Variants in SAE1 observed in about 807,000 individuals in gnomAD.
The protein encoded by SAE1 is SUMO-activating enzyme subunit 1.
A neutral mutation model predicts 40.6 loss-of-function variants in SAE1; 11 were observed. That is an observed-to-expected ratio of 0.27 (90% CI 0.17 to 0.45). The LOEUF is 0.45. Among genes scored for constraint, SAE1 ranks in the 20% least tolerant of loss-of-function variants. The pLI, the probability that SAE1 is intolerant of heterozygous loss-of-function variation, is 1.00. For synonymous variants in SAE1, 155 were observed against 154.3 expected, an observed-to-expected ratio of 1.00 and a Z score of -0.03; for missense variants, 373 against 427.3, an observed-to-expected ratio of 0.87 and a Z score of 1.12.
At chr19:47,170,062 G>A (rs559098222) in intron 6 of SAE1, 139 bp downstream of exon 6, 358 of 659,752 alleles carry the variant, frequency 5.4e-4, no homozygotes, top group Non-Finnish European at 8.6e-4. Flanking sequence ...GATCACTTGA[G>A]AAAGGGGTGG....
At chr19:47,173,454 T>C (rs545855163) in intron 6 of SAE1, among the ~76,000 whole-genome samples, 5 of 152,102 alleles carry the variant, frequency 3.3e-5, no homozygotes, top group South Asian at 2.1e-4. Context: ...CTCCTAGATA[T>C]CAGTTTTGTC....
At chr19:47,155,315 G>C in intron 5 of SAE1, 102 bp downstream of exon 5, 2 of 764,974 alleles carry the variant, frequency 2.6e-6, no homozygotes, top group Admixed American at 2.4e-5. Flanking sequence ...TGAAGGGGTG[G>C]GGCGGGTGCT....
rs374200029 is a variant in SAE1 at position 47,167,012 on chromosome 19, T to C, written c.628-2806T>C. 2.6e-5 allele frequency among the ~76,000 whole-genome samples: 4 copies of C among 151,966 alleles called. No homozygotes were observed. In the South Asian group the frequency reaches 8.3e-4, roughly 32 times the overall value. On this transcript the variant is annotated intron_variant, in intron 5 of 8. Coordinates refer to ENST00000270225, the MANE Select transcript of SAE1 (RefSeq NM_005500.3). The stretch of plus-strand genomic sequence containing the variant: ...TGTTGCCCAGGCTGGAGTGTAGTGG[T>C]GTGACCTTGGCTCGCTGCAACCTCC...
rs559489859 is a variant in SAE1, at chr19:47,137,351, G to A, written c.99-6143G>A. 1.8e-4 allele frequency among the ~76,000 whole-genome samples: 28 copies of A among 152,158 alleles called. No individual in the cohort carries two copies. The East Asian group carries it at 1.9e-3, about 10-fold the overall frequency. On this transcript the variant is annotated intron_variant, in intron 1 of 8. Transcript: ENST00000270225. ...TTTAGTGAGCCAAGGTCACACTATC[G>A]CACTCCAGCCTGGGTGACAAGAGCG...
intron 2 of SAE1, among the ~76,000 whole-genome samples, chr19:47,147,684 C>T (rs2058262811): frequency 1.3e-5 from 2 of 151,264 alleles, no homozygotes; most frequent in Non-Finnish European, 2.9e-5. Flanking sequence ...AACTTCTGAC[C>T]TCAAGTGATC....
At chr19:47,200,208 C>T (rs2058644171) in intron 7 of SAE1, among the ~76,000 whole-genome samples, 1 of 151,062 alleles carries the variant, frequency 6.6e-6, no homozygotes, top group African/African-American at 2.4e-5. Context: ...GTTGGGATTA[C>T]AAGTGTGAGC....
In SAE1 at chr19:47,131,020, C is replaced by T; in HGVS notation, c.90C>T (p.Ala30=). The T allele has an allele frequency of 6.5e-7, 1 of 1,540,544 alleles. No homozygotes were observed. The highest frequency in any genetic ancestry group is 8.8e-7 in the Non-Finnish European group (1 of 1,142,246). Residue 30 remains alanine, a synonymous_variant, in exon 1 of 9, where the codon GCC becomes GCT. Transcript: ENST00000270225. The part of the protein sequence containing the change: ...DRQIRLWGLE[A]QKRLRASRVL... ...AGATCCGCCTGTGGGGACTGGAGGCCCAGAAACGGTCAGGGCCGGCGCGGC... is the reference window on the plus strand; with the variant it reads ...AGATCCGCCTGTGGGGACTGGAGGCTCAGAAACGGTCAGGGCCGGCGCGGC...
At chr19:47,155,266 A>C in intron 5 of SAE1, 53 bp downstream of exon 5, 1 of 1,226,988 alleles carries the variant, frequency 8.2e-7, no homozygotes, top group Non-Finnish European at 1.2e-6. Context: ...TGGAGGGGTC[A>C]GGCAATGACG....
chr19:47,176,247 T>C (rs547801453), intron 6 of SAE1, among the ~76,000 whole-genome samples: 1 of 152,352 alleles, frequency 6.6e-6, no homozygotes. Context: ...TGTACCGTCA[T>C]CTATGACCAG....
chr19:47,203,016 C>G (rs1350855406), intron 7 of SAE1, among the ~76,000 whole-genome samples: 1 of 152,168 alleles, frequency 6.6e-6, no homozygotes, highest in Non-Finnish European at 1.5e-5. Context: ...GGTGAGCACA[C>G]AGCATTGTGT....
At chr19:47,163,074 T>C (rs1023265760) in intron 5 of SAE1, among the ~76,000 whole-genome samples, 1 of 152,142 alleles carries the variant, frequency 6.6e-6, no homozygotes, top group Non-Finnish European at 1.5e-5. Context: ...ATGTTAATCC[T>C]ACTACCAAAT....
chr19:47,182,602 TGAG>T (rs2058516919), intron 6 of SAE1, among the ~76,000 whole-genome samples: 3 of 150,604 alleles, frequency 2.0e-5, no homozygotes, highest in Middle Eastern at 3.4e-3. Flanking sequence ...ACAGGAGAGG[TGAG>T]GAGAAGGGCA....
chr19:47,199,070 CAG>C (rs1206280876), intron 7 of SAE1, among the ~76,000 whole-genome samples: 1 of 151,970 alleles, frequency 6.6e-6, no homozygotes, highest in African/African-American at 2.4e-5. Flanking sequence ...GCCTGGGTGA[CAG>C]AGAGAGACCG....
chr19:47,185,691 T>TCCTG (rs1210863167), intron 6 of SAE1, among the ~76,000 whole-genome samples: 1 of 151,948 alleles, frequency 6.6e-6, no homozygotes, highest in Non-Finnish European at 1.5e-5. Flanking sequence ...AACCTCCGCC[T>TCCTG]CCTGGGTTCA....
chr19:47,177,921 G>A (rs770730105), intron 6 of SAE1, among the ~76,000 whole-genome samples: 1 of 152,140 alleles, frequency 6.6e-6, no homozygotes, highest in Non-Finnish European at 1.5e-5. Context: ...CTTGGAGAGA[G>A]CAGGCTAGTG....
intron 6 of SAE1, among the ~76,000 whole-genome samples, chr19:47,181,308 C>T (rs1273889277): frequency 6.6e-6 from 1 of 151,810 alleles, no homozygotes; most frequent in African/African-American, 2.4e-5. Context: ...AAGAGCGAAA[C>T]TCTATCTCAA....
chr19:47,142,382 T>C, intron 1 of SAE1: 1 of 121,366 alleles, frequency 8.2e-6, no homozygotes, highest in Non-Finnish European at 1.9e-5. Flanking sequence ...AGACTCTGTC[T>C]TTAAAAAAAA....
At chr19:47,169,795 G>T in intron 5 of SAE1, 23 bp from the exon 6 acceptor site, 4 of 1,497,636 alleles carry the variant, frequency 2.7e-6, no homozygotes, top group Non-Finnish European at 3.7e-6. Flanking sequence ...TTATTCCTAA[G>T]CAGTTCTGCC....
In SAE1 at chr19:47,136,822, C is replaced by T. The variant is rs113907035; in HGVS notation, c.98+5794C>T. ...GAGTCTTATAGCAGCTCTCTGGAGT[C>T]GGAAGGGCAGTGATTTCCTTCTCTG... On this transcript the variant is annotated intron_variant, in intron 1 of 8. Transcript: ENST00000270225. Among the ~76,000 whole-genome samples the T allele has an allele frequency of 7.2e-3, 1,089 of 152,152 alleles. 11 individuals are homozygous for T. Among genetic ancestry groups the T allele is most frequent in the African/African-American group, 0.025 (1,051 of 41,502 alleles).
Sources: allele counts gnomAD v4.1 joint callset (sites outside exome capture counted in the v4.1 genomes callset), GRCh38; gene constraint gnomAD v4.1.1; transcripts MANE v1.5; gene names NCBI Gene and HGNC (gene_info 2026-07-23, HGNC 2026-07-21).